The following LRMDA variants were observed in gnomAD, a reference collection of about 807,000 sequenced individuals.
The protein encoded by LRMDA is leucine-rich melanocyte differentiation-associated protein.
LRMDA carries 18 observed loss-of-function variants against 29.8 expected under a neutral mutation model. The ratio of observed to expected loss-of-function variants is 0.60; its 90% CI spans 0.42 to 0.90. The LOEUF (loss-of-function observed/expected upper bound fraction) is 0.90. LRMDA is among the 40% of genes least tolerant of loss of function. The pLI is 0.00. For missense variants in LRMDA, 273 were observed against 273.9 expected (o/e 1.00, Z 0.02); for synonymous variants, 125 against 109.4 (o/e 1.14, Z -0.89).
intron 2 of LRMDA, among the ~76,000 whole-genome samples, chr10:75,793,905 T>G (rs1843609230): frequency 6.6e-6 from 1 of 152,248 alleles, no homozygotes. Flanking sequence ...GAAAATATTT[T>G]AGGCTTTTAG....
intron 2 of LRMDA, among the ~76,000 whole-genome samples, chr10:75,456,811 G>C (rs1047185715): frequency 1.3e-5 from 2 of 152,152 alleles, no homozygotes; most frequent in Non-Finnish European, 2.9e-5. Context: ...GAGTAGCTGG[G>C]ATTACAGGTG....
chr10:76,050,396 ATG>A (rs1848511230), intron 4 of LRMDA, among the ~76,000 whole-genome samples: 1 of 152,210 alleles, frequency 6.6e-6, no homozygotes, highest in Non-Finnish European at 1.5e-5. Context: ...TTAAATTTAT[ATG>A]TGAGCATGAA....
chr10:75,540,460 C>T (rs1359410508), intron 2 of LRMDA, among the ~76,000 whole-genome samples: 9 of 152,190 alleles, frequency 5.9e-5, no homozygotes, highest in Non-Finnish European at 8.8e-5. Flanking sequence ...CCATAGGATT[C>T]TCGTTTTATC....
intron 2 of LRMDA, among the ~76,000 whole-genome samples, chr10:75,672,245 G>A (rs1841899612): frequency 1.3e-5 from 2 of 152,064 alleles, no homozygotes; most frequent in South Asian, 2.1e-4. Flanking sequence ...TCTGAGATGA[G>A]TGGCCTTGTG....
intron 2 of LRMDA, among the ~76,000 whole-genome samples, chr10:76,028,970 C>T (rs547451762): frequency 6.8e-4 from 103 of 152,186 alleles, no homozygotes; most frequent in Middle Eastern, 3.4e-3. Context: ...GCACGTGCCA[C>T]CACGCCCAGC....
intron 6 of LRMDA, among the ~76,000 whole-genome samples, chr10:76,431,749 A>C (rs891883575): frequency 1.6e-4 from 24 of 152,246 alleles, no homozygotes; most frequent in African/African-American, 5.8e-4. Flanking sequence ...GTCCCCACCT[A>C]ATTCTCAACT....
chr10:75,933,359 C>T (rs1385733591), intron 2 of LRMDA, among the ~76,000 whole-genome samples: 1 of 152,158 alleles, frequency 6.6e-6, no homozygotes, highest in East Asian at 1.9e-4. Flanking sequence ...TAGTTCAAGA[C>T]TTGCTTTGCA....
intron 6 of LRMDA, among the ~76,000 whole-genome samples, chr10:76,434,395 C>T (rs555838132): frequency 3.3e-5 from 5 of 152,014 alleles, no homozygotes; most frequent in Admixed American, 2.0e-4. Context: ...TTTCTCTCCC[C>T]TTTTTCTCCC....
intron 2 of LRMDA, among the ~76,000 whole-genome samples, chr10:75,989,034 C>T (rs956889863): frequency 2.0e-5 from 3 of 152,200 alleles, no homozygotes; most frequent in East Asian, 3.9e-4. Flanking sequence ...GAGTCCTCCA[C>T]GACACTCTGC....
At chr10:76,506,951 A>C (rs1842965108) in intron 6 of LRMDA, among the ~76,000 whole-genome samples, 1 of 152,002 alleles carries the variant, frequency 6.6e-6, no homozygotes, top group Non-Finnish European at 1.5e-5. Flanking sequence ...CAATATATTT[A>C]TTTACTTTCT....
chr10:75,973,016 TAAC>T (rs1306566053), intron 2 of LRMDA, among the ~76,000 whole-genome samples: 5 of 136,772 alleles, frequency 3.7e-5, no homozygotes, highest in African/African-American at 5.3e-5. Context: ...AAAACCACTT[TAAC>T]AACAGCAGCA....
At chr10:76,181,130 C>A (rs1851041768) in intron 5 of LRMDA, among the ~76,000 whole-genome samples, 1 of 152,190 alleles carries the variant, frequency 6.6e-6, no homozygotes, top group Admixed American at 6.5e-5. Flanking sequence ...ATAGGCTGTT[C>A]CCAAGTTTGG....
intron 6 of LRMDA, 71 bp from the exon 7 acceptor site, chr10:76,557,138 T>C: frequency 1.6e-6 from 2 of 1,255,024 alleles, no homozygotes; most frequent in Non-Finnish European, 2.3e-6. Flanking sequence ...GCATGTCTGC[T>C]TTTCAGCACC....
At chr10:76,316,728 A>G (rs1237642294) in intron 5 of LRMDA, among the ~76,000 whole-genome samples, 3 of 152,236 alleles carry the variant, frequency 2.0e-5, no homozygotes, top group African/African-American at 7.2e-5. Context: ...GTTATATTAC[A>G]TTACATTCTG....
chr10:76,143,313 G>A (rs1018477395), intron 5 of LRMDA, among the ~76,000 whole-genome samples: 2 of 152,174 alleles, frequency 1.3e-5, no homozygotes, highest in Non-Finnish European at 2.9e-5. Context: ...CACCAACAGT[G>A]TAAAAGTGTT....
At chr10:75,828,089 G>T (rs1564579298) in intron 2 of LRMDA, among the ~76,000 whole-genome samples, 1 of 152,116 alleles carries the variant, frequency 6.6e-6, no homozygotes, top group Non-Finnish European at 1.5e-5. Context: ...CACTCCTTGT[G>T]TGCCCTATAC....
intron 2 of LRMDA, among the ~76,000 whole-genome samples, chr10:75,707,411 T>A (rs957332084): frequency 2.6e-5 from 4 of 152,094 alleles, no homozygotes; most frequent in African/African-American, 9.7e-5. Flanking sequence ...AGGGTGATGC[T>A]CAAGGTTAAG....
intron 2 of LRMDA, among the ~76,000 whole-genome samples, chr10:75,491,447 A>G (rs1387454540): frequency 2.6e-5 from 4 of 152,118 alleles, no homozygotes; most frequent in African/African-American, 7.2e-5. Flanking sequence ...CACCCACTGT[A>G]TGGTCTTTAT....
chr10:76,423,968 C>T (rs1454548418), intron 6 of LRMDA, among the ~76,000 whole-genome samples: 1 of 152,132 alleles, frequency 6.6e-6, no homozygotes, highest in East Asian at 1.9e-4. Context: ...TGCTCTGATT[C>T]CTAGAGGGCC....
Sources: allele counts gnomAD v4.1 joint callset (sites outside exome capture counted in the v4.1 genomes callset), GRCh38; gene constraint gnomAD v4.1.1; transcripts MANE v1.5; gene names NCBI Gene and HGNC (gene_info 2026-07-23, HGNC 2026-07-21).